PDK1: variants seen among roughly 807,000 people sequenced by gnomAD.
PDK1 encodes pyruvate dehydrogenase kinase 1.
PDK1 carries 39 observed loss-of-function variants against 54.2 expected under a neutral mutation model. That is an observed-to-expected ratio of 0.72 (90% confidence interval 0.56 to 0.94). The LOEUF (loss-of-function observed/expected upper bound fraction) is 0.94. Among genes scored for constraint, PDK1 ranks in the 40% least tolerant of loss-of-function variants. PDK1 has a pLI of 0.00. For missense variants in PDK1, 552 were observed against 566.0 expected, an observed-to-expected ratio of 0.98 and a Z score of 0.25; for synonymous variants, 221 against 207.1, an observed-to-expected ratio of 1.07 and a Z score of -0.58.
At chr2:172,687,714 C>T in the PDK1 span, among the ~76,000 whole-genome samples, 3 of 152,166 alleles carry the variant, frequency 2.0e-5, no homozygotes, top group African/African-American at 7.2e-5. Flanking sequence ...TCCACAGTTA[C>T]AGCTGGGCAA....
At chr2:172,560,643 G>A (rs926398950) in intron 2 of PDK1, among the ~76,000 whole-genome samples, 1 of 152,150 alleles carries the variant, frequency 6.6e-6, no homozygotes, top group African/African-American at 2.4e-5. Context: ...TTAATAAACT[G>A]TGTTTATTGA....
the PDK1 span, chr2:172,674,407 T>G: frequency 6.5e-6 from 1 of 153,256 alleles, no homozygotes; most frequent in Non-Finnish European, 1.5e-5. Context: ...AACCACATCC[T>G]CCTTCAGCCG....
the PDK1 span, among the ~76,000 whole-genome samples, chr2:172,626,234 A>T: frequency 3.3e-5 from 5 of 152,168 alleles, no homozygotes; most frequent in African/African-American, 1.2e-4. Flanking sequence ...AAGTAGTTAA[A>T]AGTTTTCAAT....
the PDK1 span, among the ~76,000 whole-genome samples, chr2:172,652,747 G>A: frequency 6.6e-6 from 1 of 152,068 alleles, no homozygotes; most frequent in Admixed American, 6.5e-5. Flanking sequence ...AAAATACCTA[G>A]GAATCCCACT....
chr2:172,562,287 T>C lies in PDK1; in HGVS notation c.406T>C (p.Tyr136His). ...DKSAEDAKAI[Y>H]DFTDTVIRIR... ...AAGTGCTGAGGATGCTAAAGCTATT[T>C]ATGAGTAAGTTCACTATTTTGACCC... The change falls in exon 3 of 11, where the codon TAT (tyrosine) becomes CAT (histidine). Residue 136 changes from tyrosine to histidine, a missense_variant. Tyr to His is a moderately conservative substitution (Grantham distance 83, BLOSUM62 2). Coordinates refer to ENST00000282077, the MANE Select transcript of PDK1 (RefSeq NM_002610.5). 4.4e-6 allele frequency: 7 copies of C among 1,579,242 alleles called. No homozygotes were observed. The highest frequency in any genetic ancestry group is 6.1e-6 in the Non-Finnish European group (7 of 1,148,728).
chr2:172,697,897 A>G, the PDK1 span, among the ~76,000 whole-genome samples: 39 of 152,182 alleles, frequency 2.6e-4, no homozygotes, highest in Non-Finnish European at 5.4e-4. Flanking sequence ...CTACTTGCCA[A>G]TGAGGAGAAT....
At chr2:172,575,931 TTTTG>T (rs1264278521) in intron 8 of PDK1, among the ~76,000 whole-genome samples, 2 of 152,146 alleles carry the variant, frequency 1.3e-5, no homozygotes, top group Non-Finnish European at 2.9e-5. Context: ...GTGTGTGTTT[TTTTG>T]TTTGTTTTTT....
chr2:172,680,858 C>T, the PDK1 span, among the ~76,000 whole-genome samples: 1 of 152,220 alleles, frequency 6.6e-6, no homozygotes. Context: ...AAAGCAGCTA[C>T]AGAGGGCCTG....
At position 172,573,234 on chromosome 2, in the gene PDK1, C is replaced by T. The variant is rs537716005; in HGVS notation, c.945+2410C>T. 2.0e-5 allele frequency among the ~76,000 whole-genome samples: 3 copies of T among 152,254 alleles called. No homozygotes were observed. The East Asian group carries it at 5.8e-4, about 29-fold the overall frequency. On this transcript the variant is annotated intron_variant, in intron 8 of 10. Coordinates refer to ENST00000282077, the MANE Select transcript of PDK1 (RefSeq NM_002610.5). ...CAATGTGTGAAGGTTCCTGTTTTACCTCGTCCTTGTCAACAATTGTAGTCT... is the reference window on the plus strand; with the variant it reads ...CAATGTGTGAAGGTTCCTGTTTTACTTCGTCCTTGTCAACAATTGTAGTCT...
chr2:172,650,350 G>A, the PDK1 span, among the ~76,000 whole-genome samples: 1 of 152,110 alleles, frequency 6.6e-6, no homozygotes, highest in Admixed American at 6.5e-5. Context: ...ATATGGAAAG[G>A]AGCAACCGGT....
At chr2:172,635,831 T>C in the PDK1 span, among the ~76,000 whole-genome samples, 2 of 152,334 alleles carry the variant, frequency 1.3e-5, no homozygotes, top group East Asian at 1.9e-4. Context: ...TTCCAGGGGC[T>C]GTCACTGGTC....
the PDK1 span, among the ~76,000 whole-genome samples, chr2:172,701,597 G>A: frequency 1.3e-5 from 2 of 149,348 alleles, no homozygotes; most frequent in African/African-American, 4.9e-5. Flanking sequence ...TTCAGAGTCT[G>A]TGAGTCCAAA....
At chr2:172,691,607 G>A in the PDK1 span, among the ~76,000 whole-genome samples, 4 of 152,226 alleles carry the variant, frequency 2.6e-5, no homozygotes, top group South Asian at 2.1e-4. Context: ...ACCACTGATC[G>A]TTTTGCTATC....
rs1267583855 is a variant in PDK1 at position 172,598,781 on chromosome 2, G to T, written c.*2812G>T. 6.6e-6 allele frequency: 1 copy of T among 152,124 alleles called. No homozygotes were observed. The highest frequency in any genetic ancestry group is 1.5e-5 in the Non-Finnish European group (1 of 68,018). 9.4% of individuals were successfully genotyped at this position (152,124 alleles called of 1,614,324 possible). Reference sequence around the variant, plus strand: ...TGTATGGCAATAAACTGAAAACATGGATCAACCCTTCTTTTGAAAATAAAC... The same window carrying T: ...TGTATGGCAATAAACTGAAAACATGTATCAACCCTTCTTTTGAAAATAAAC... On this transcript the variant is annotated 3_prime_UTR_variant, in exon 11 of 11. Coordinates refer to ENST00000282077, the MANE Select transcript of PDK1 (RefSeq NM_002610.5).
chr2:172,621,833 ATC>A, the PDK1 span, among the ~76,000 whole-genome samples: 1 of 123,370 alleles, frequency 8.1e-6, no homozygotes, highest in African/African-American at 2.8e-5. Flanking sequence ...ATATGTTTAT[ATC>A]TCATATGTAT....
chr2:172,620,136 A>G, the PDK1 span, among the ~76,000 whole-genome samples: 2 of 152,222 alleles, frequency 1.3e-5, no homozygotes, highest in African/African-American at 4.8e-5. Context: ...ACTGTACTCC[A>G]GTCTGGATGA....
At chr2:172,565,504 A>G (rs1688887130) in intron 5 of PDK1, among the ~76,000 whole-genome samples, 1 of 151,984 alleles carries the variant, frequency 6.6e-6, no homozygotes, top group South Asian at 2.1e-4. Context: ...GGGTTTTACC[A>G]TGTTGGCCAG....
Position 172,562,847 on chromosome 2 carries a change from A to G in PDK1, c.410+556A>G, listed in dbSNP as rs1441756397. On this transcript the variant is annotated intron_variant, in intron 3 of 10. Coordinates refer to ENST00000282077, the MANE Select transcript of PDK1 (RefSeq NM_002610.5). ...ATAACCCATATACCAGAATTGGTAA[A>G]CCAAAGTATTTGCCTTATGCAGCTA... The G allele has an allele frequency of 1.9e-6, 3 of 1,588,996 alleles. No individual in the cohort carries two copies. The South Asian group carries it at 3.4e-5, about 18-fold the overall frequency.
chr2:172,614,091 C>T, the PDK1 span, among the ~76,000 whole-genome samples: 11 of 152,138 alleles, frequency 7.2e-5, no homozygotes, highest in African/African-American at 9.6e-5. Flanking sequence ...GGTGGGAGCT[C>T]GCGGGTGCAG....
Sources: allele counts gnomAD v4.1 joint callset (sites outside exome capture counted in the v4.1 genomes callset), GRCh38; gene constraint gnomAD v4.1.1; transcripts MANE v1.5; gene names NCBI Gene and HGNC (gene_info 2026-07-23, HGNC 2026-07-21).